The following POLR1C variants were observed in gnomAD, a reference collection of about 807,000 sequenced individuals.
The protein encoded by POLR1C is DNA-directed RNA polymerases I and III subunit RPAC1.
A neutral mutation model predicts 38.3 loss-of-function variants in POLR1C; 42 were observed. The observed-to-expected ratio is 1.10, with a 90% confidence interval of 0.86 to 1.42. POLR1C has a LOEUF of 1.42. Among genes scored for constraint, POLR1C ranks in the 40% most tolerant of loss-of-function variants. POLR1C has a pLI of 0.00. For synonymous variants in POLR1C, 163 were observed against 163.9 expected (o/e 0.99, Z 0.04); for missense variants, 507 against 450.5 (o/e 1.13, Z -1.14).
chr6:43,559,616 C>A (rs1387281713), intron 10 of POLR1C, among the ~76,000 whole-genome samples: 1 of 152,230 alleles, frequency 6.6e-6, no homozygotes, highest in Admixed American at 6.5e-5. Flanking sequence ...CTTTTAACCC[C>A]TGAATAGCAA....
At position 43,521,183 on chromosome 6, in the gene POLR1C, C is replaced by G. The variant is rs778772237; in HGVS notation, c.924C>G (p.Phe308Leu). ...RLARVRDHYI[F>L]SVESTGVLPP... ...CTAAAGTGTCTCTTTGGTCCCCAGT[C>G]TCTGTTGAGTCAACGGGGGTGTTGC... The change falls in exon 9 of 9, where the codon TTC becomes TTG. Residue 308 changes from phenylalanine to leucine, a missense_variant and splice_region_variant. Physicochemically the swap from Phe to Leu is conservative, Grantham distance 22 (BLOSUM62 0). Transcript: ENST00000642195. 2 of 1,614,006 alleles carry G rather than the reference C, an allele frequency of 1.2e-6. No individual in the cohort carries two copies. The highest frequency in any genetic ancestry group is 1.7e-6 in the Non-Finnish European group (2 of 1,179,904).
chr6:43,517,131 G>T lies in POLR1C; in HGVS notation c.22G>T (p.Glu8Ter), dbSNP rs201071477. The T allele has an allele frequency of 6.2e-7, 1 of 1,614,196 alleles. No homozygotes were observed. MAASQAV[E>*]EMRSRVVLGE... Reference sequence around the variant, plus strand: ...GAAGATGGCGGCTTCTCAGGCGGTGGAGGAAATGCGGAGCCGCGTGGTTCT... The same window carrying T: ...GAAGATGGCGGCTTCTCAGGCGGTGTAGGAAATGCGGAGCCGCGTGGTTCT... Residue 8 changes from glutamate (E) to a stop codon, truncating the protein, a stop_gained, in exon 1 of 9, where the codon GAG (glutamate) becomes TAG (stop). Coordinates refer to ENST00000642195, the MANE Select transcript of POLR1C (RefSeq NM_203290.4). LOFTEE classifies it high-confidence loss of function.
chr6:43,532,560 C>CT (rs1794050106), downstream of POLR1C, among the ~76,000 whole-genome samples: 1 of 152,214 alleles, frequency 6.6e-6, no homozygotes, highest in Non-Finnish European at 1.5e-5. Context: ...TCTCTATGTT[C>CT]TGGACATACC....
At chr6:43,527,988 T>C (rs1793708001) in intron 8 of POLR1C, among the ~76,000 whole-genome samples, 1 of 152,234 alleles carries the variant, frequency 6.6e-6, no homozygotes, top group African/African-American at 2.4e-5. Flanking sequence ...TCTCAGAGTC[T>C]GCCTGCTGGT....
rs886061426 is a variant in POLR1C at position 43,517,374 on chromosome 6, G to A, written c.138G>A (p.Glu46=). 7 of 1,613,852 alleles carry A rather than the reference G, an allele frequency of 4.3e-6. No homozygotes were observed. Among genetic ancestry groups the A allele is most frequent in the African/African-American group, 2.7e-5 (2 of 74,862 alleles). Residue 46 remains glutamate, a synonymous_variant, in exon 2 of 9, where the codon GAG becomes GAA. Coordinates refer to ENST00000642195, the MANE Select transcript of POLR1C (RefSeq NM_203290.4). ...YDDAWDQDRF[E]KNFRVDVVHM... is the part of the protein sequence containing the mutation. ...ATGCCTGGGACCAGGACCGCTTCGA[G>A]AAGGTAAGTGGGGCCGGAGTTGTCT...
chr6:43,530,031 G>A (rs1793864467), downstream of POLR1C, among the ~76,000 whole-genome samples: 1 of 152,112 alleles, frequency 6.6e-6, no homozygotes, highest in Non-Finnish European at 1.5e-5. Context: ...GAGGCAGGCG[G>A]ATTACTTGAG....
At chr6:43,522,447 T>C (rs1291952380), downstream of POLR1C, 7 of 159,776 alleles carry the variant, frequency 4.4e-5, 1 homozygote, top group Non-Finnish European at 9.7e-5. Context: ...CACAGGATGT[T>C]AAAAATATTA....
At chr6:43,524,027 G>A, downstream of POLR1C, 1 of 1,607,852 alleles carries the variant, frequency 6.2e-7, no homozygotes, top group Non-Finnish European at 8.5e-7. Context: ...AAATGAGAAA[G>A]AATTAATGCT....
intron 10 of POLR1C, chr6:43,553,238 G>T: frequency 8.6e-7 from 1 of 1,157,188 alleles, no homozygotes; most frequent in Non-Finnish European, 1.2e-6. Context: ...GGAGTTGGAG[G>T]TTACAGAGAG....
At chr6:43,548,053 A>C (rs1022941452) in intron 9 of POLR1C, among the ~76,000 whole-genome samples, 23 of 152,204 alleles carry the variant, frequency 1.5e-4, no homozygotes, top group Admixed American at 1.3e-3. Flanking sequence ...TGCAGACACC[A>C]CAGGAGTCTC....
chr6:43,554,852 G>T (rs1192316924), intron 10 of POLR1C: 1 of 151,838 alleles, frequency 6.6e-6, no homozygotes, highest in East Asian at 1.9e-4. Flanking sequence ...AGAGTCAATT[G>T]TAAATAAAGC....
intron 10 of POLR1C, chr6:43,556,152 T>C (rs747927219): frequency 8.5e-5 from 59 of 696,756 alleles, no homozygotes; most frequent in Non-Finnish European, 1.1e-4. Flanking sequence ...TGAAAATAAA[T>C]GATCTCTGGA....
At chr6:43,525,142 T>C, downstream of POLR1C, 1 of 1,582,056 alleles carries the variant, frequency 6.3e-7, no homozygotes, top group East Asian at 2.3e-5. Context: ...TGTGAGGTTG[T>C]CCTCTGGCAG....
chr6:43,545,843 G>A (rs1030854896), intron 9 of POLR1C, among the ~76,000 whole-genome samples: 2 of 152,076 alleles, frequency 1.3e-5, no homozygotes, highest in South Asian at 4.2e-4. Context: ...TCTATATCTA[G>A]TAACTGATAA....
At chr6:43,531,984 G>A (rs186718613), downstream of POLR1C, among the ~76,000 whole-genome samples, 50 of 152,258 alleles carry the variant, frequency 3.3e-4, no homozygotes, top group African/African-American at 1.2e-3. Context: ...ATTAAAAACT[G>A]CCTTAAAATA....
chr6:43,529,049 G>GT (rs1193881054), intron 8 of POLR1C: 1 of 1,120,974 alleles, frequency 8.9e-7, no homozygotes, highest in African/African-American at 1.6e-5. Context: ...AATATCCTGT[G>GT]TTAACAGTGA....
At chr6:43,522,373 T>C (rs1190180965), downstream of POLR1C, 3 of 154,926 alleles carry the variant, frequency 1.9e-5, no homozygotes, top group African/African-American at 7.2e-5. Flanking sequence ...CATGCAGATG[T>C]GCTTTAGAGT....
In POLR1C at chr6:43,529,148, C is replaced by G. The variant is rs186651686; in HGVS notation, c.923-101C>G. On this transcript the variant is annotated intron_variant, in intron 8 of 8. Coordinates refer to the POLR1C transcript ENST00000304004. ...TTAGTTTAGCTGCATTTCCGTCAGG[C>G]TGCACATTATGGTCACTGGCCCAAA... is the stretch of plus-strand genomic sequence containing the variant. 1.8e-4 allele frequency: 239 copies of G among 1,330,620 alleles called. No individual in the cohort carries two copies. In the East Asian group the frequency reaches 5.9e-3, roughly 33 times the overall value. 82.4% of individuals were successfully genotyped at this position (1,330,620 alleles called of 1,614,324 possible).
At chr6:43,553,716 T>G in intron 10 of POLR1C, 1 of 1,001,304 alleles carries the variant, frequency 1.0e-6, no homozygotes. Context: ...GTTCCTACCA[T>G]GCCTCCTCCT....
Sources: allele counts gnomAD v4.1 joint callset (sites outside exome capture counted in the v4.1 genomes callset), GRCh38; gene constraint gnomAD v4.1.1; transcripts MANE v1.5; gene names NCBI Gene and HGNC (gene_info 2026-07-23, HGNC 2026-07-21).